The following RASGRP2 variants were observed in gnomAD, a reference collection of about 807,000 sequenced individuals.
RASGRP2 encodes the protein RAS guanyl-releasing protein 2.
RASGRP2 carries 44 observed loss-of-function variants against 71.0 expected under a neutral mutation model. The observed-to-expected ratio is 0.62, with a 90% CI of 0.49 to 0.80. The LOEUF is 0.80. Ranked by LOEUF, RASGRP2 falls within the 30% of genes least tolerant of loss-of-function variation. The pLI is 0.00. For missense variants in RASGRP2, 663 were observed against 813.4 expected, an observed-to-expected ratio of 0.82 and a Z score of 2.25; for synonymous variants, 350 against 330.7, an observed-to-expected ratio of 1.06 and a Z score of -0.63.
In RASGRP2 at chr11:64,735,894, C is replaced by T. The variant is rs955766749; in HGVS notation, c.1173+9G>A. On this transcript the variant is annotated intron_variant, in intron 10 of 16. Transcript: ENST00000394432. The surrounding 1 kb of genome is among the most constrained non-coding windows in gnomAD (Gnocchi z 4.2). ...AGGGCAGAGTGGAGAGGAGGGAGTA[C>T]CCCCTCACCGAGGACTTGGAGCGCG... The T allele has an allele frequency of 2.5e-6, 4 of 1,612,006 alleles. No individual in the cohort carries two copies. The highest frequency in any genetic ancestry group is 3.4e-6 in the Non-Finnish European group (4 of 1,178,710).
chr11:64,730,635 C>T (rs1461331299), intron 12 of RASGRP2, among the ~76,000 whole-genome samples: 1 of 152,210 alleles, frequency 6.6e-6, no homozygotes, highest in South Asian at 2.1e-4. Flanking sequence ...GCTGGAAAGA[C>T]AGCTGTAAAT....
At position 64,741,011 on chromosome 11, in the gene RASGRP2, A is replaced by G; in HGVS notation, c.308T>C (p.Leu103Pro). Reference protein sequence around the residue: ...NPELAEQIKELKALLDQEGNR... With the variant: ...NPELAEQIKEPKALLDQEGNR... ...CCCTTCTTGGTCTAGCAGAGCCTTC[A>G]GCTCCTTGATCTGCTCAGCCAACTC... The change falls in exon 5 of 17, where the codon CTG (leucine) becomes CCG (proline). Residue 103 changes from leucine (L) to proline (P), a missense_variant. Physicochemically the swap from Leu to Pro is moderately conservative, Grantham distance 98. Coordinates refer to ENST00000394432, the MANE Select transcript of RASGRP2 (RefSeq NM_001098671.2). 6.2e-7 allele frequency: 1 copy of G among 1,613,454 alleles called. No homozygotes were observed. Among genetic ancestry groups the G allele is most frequent in the Non-Finnish European group, 8.5e-7 (1 of 1,179,902 alleles).
chr11:64,741,169 G>C, intron 4 of RASGRP2, 90 bp from the exon 5 acceptor site: 1 of 1,492,952 alleles, frequency 6.7e-7, no homozygotes, highest in Non-Finnish European at 9.1e-7. Context: ...AGTCACCTAA[G>C]CAAAAAGACC....
rs2057667573 is a variant in RASGRP2, at chr11:64,728,971, C to T, written c.1663G>A (p.Val555Met). 23 of 1,611,370 alleles carry T rather than the reference C, an allele frequency of 1.4e-5. No individual in the cohort carries two copies. Among genetic ancestry groups the T allele is most frequent in the Non-Finnish European group, 1.9e-5 (23 of 1,179,672 alleles). The change falls in exon 15 of 17, where the codon GTG (valine) becomes ATG (methionine). Residue 555 changes from valine (V) to methionine (M), a missense_variant. Physicochemically the swap from Val to Met is conservative, Grantham distance 21. Coordinates refer to ENST00000394432, the MANE Select transcript of RASGRP2 (RefSeq NM_001098671.2). ...GAGGGTGCAGACCCCTCCAGGCTCA[C>T]ACTCTGGGCCCTGCGCCGACACTCA... ...SVECRRRAQS[V>M]SLEGSAPSPS...
In RASGRP2 at chr11:64,736,967, G is replaced by C. The variant is rs1157156687; in HGVS notation, c.881C>G (p.Ala294Gly). The C allele has an allele frequency of 6.2e-7, 1 of 1,613,672 alleles. No individual in the cohort carries two copies. Among genetic ancestry groups the C allele is most frequent in the Non-Finnish European group, 8.5e-7 (1 of 1,180,032 alleles). The change falls in exon 9 of 17, where the codon GCA (alanine) becomes GGA (glycine). Residue 294 changes from alanine to glycine, a missense_variant. Physicochemically the swap from Ala to Gly is moderately conservative, Grantham distance 60. Coordinates refer to ENST00000394432, the MANE Select transcript of RASGRP2 (RefSeq NM_001098671.2). Reference sequence around the variant, plus strand: ...CGGGAAGCGGAAGCCCACACAGGCTGCCAGCCGACGCCGGTAGTTGCCATA... The same window carrying C: ...CGGGAAGCGGAAGCCCACACAGGCTCCCAGCCGACGCCGGTAGTTGCCATA... Reference protein sequence around the residue: ...GNYGNYRRRLAACVGFRFPIL... With the variant: ...GNYGNYRRRLGACVGFRFPIL...
chr11:64,730,052 C>T lies in RASGRP2; in HGVS notation c.1554+1G>A. 2 of 1,551,890 alleles carry T rather than the reference C, an allele frequency of 1.3e-6. No individual in the cohort carries two copies. The highest frequency in any genetic ancestry group is 1.7e-6 in the Non-Finnish European group (2 of 1,148,394). ...CCGTGAGCCGGGAAAGGGACTCTCA[C>T]CAGGGCTTTGCAGTGGCGGCAGGCG... is the stretch of plus-strand genomic sequence containing the variant. On this transcript the variant is annotated splice_donor_variant, in intron 13 of 16. Transcript: ENST00000394432. LOFTEE classifies it high-confidence loss of function.
At chr11:64,732,792 A>T (rs531389334) in intron 12 of RASGRP2, among the ~76,000 whole-genome samples, 2 of 150,844 alleles carry the variant, frequency 1.3e-5, no homozygotes, top group African/African-American at 4.9e-5. Context: ...AAAAAAAAAA[A>T]ATACAAAATT....
At chr11:64,727,487 T>A in intron 15 of RASGRP2, 127 bp from the exon 16 acceptor site, 1 of 664,828 alleles carries the variant, frequency 1.5e-6, no homozygotes, top group Non-Finnish European at 2.6e-6. Flanking sequence ...ATCAATTCCC[T>A]GCATGACCTC....
chr11:64,738,243 T>C (rs1231090732), intron 8 of RASGRP2, among the ~76,000 whole-genome samples: 1 of 151,994 alleles, frequency 6.6e-6, no homozygotes, highest in East Asian at 1.9e-4. Flanking sequence ...AAGCCCCACA[T>C]TGTTTTGGAC....
chr11:64,737,331 A>G (rs958100573), intron 8 of RASGRP2: 1 of 445,588 alleles, frequency 2.2e-6, no homozygotes, highest in Non-Finnish European at 4.2e-6. Context: ...AGCACAGGAC[A>G]ATGACCTGGA....
intron 12 of RASGRP2, among the ~76,000 whole-genome samples, chr11:64,734,260 C>T (rs556165039): frequency 4.0e-4 from 61 of 151,460 alleles, no homozygotes; most frequent in African/African-American, 1.4e-3. Context: ...TGCAGCGAGC[C>T]GAGATTGTAC....
intron 12 of RASGRP2, among the ~76,000 whole-genome samples, chr11:64,732,792 A>G (rs531389334): frequency 2.9e-4 from 44 of 150,966 alleles, no homozygotes; most frequent in African/African-American, 1.0e-3. Context: ...AAAAAAAAAA[A>G]ATACAAAATT....
chr11:64,743,609 T>TC lies in RASGRP2; in HGVS notation c.-72+393dup, dbSNP rs1416931083. On this transcript the variant is annotated intron_variant, in intron 1 of 16. Coordinates refer to ENST00000394432, the MANE Select transcript of RASGRP2 (RefSeq NM_001098671.2). This position sits in a 1 kb window ranked among gnomAD's most constrained non-coding sequence, Gnocchi z 4.9. The stretch of plus-strand genomic sequence containing the variant: ...GGGAACTGAGCGCTCCCAGGCCACC[T>TC]CCGCAAAGGTCCCAGGGGTCCCGGC... 2.6e-6 allele frequency: 1 copy of TC among 391,714 alleles called. No homozygotes were observed. Among genetic ancestry groups the TC allele is most frequent in the Non-Finnish European group, 5.0e-6 (1 of 200,398 alleles). 24.3% of individuals were successfully genotyped at this position (391,714 alleles called of 1,614,324 possible). A position where few individuals can be genotyped will look rare whatever the true frequency, so the allele number is the denominator to read the frequency against.
At chr11:64,727,708 T>C (rs2057617596) in intron 15 of RASGRP2, among the ~76,000 whole-genome samples, 1 of 151,992 alleles carries the variant, frequency 6.6e-6, no homozygotes, top group Non-Finnish European at 1.5e-5. Flanking sequence ...GTAGAGATGA[T>C]GTTTTGCCAC....
intron 15 of RASGRP2, 73 bp from the exon 16 acceptor site, chr11:64,727,433 G>C: frequency 7.0e-7 from 1 of 1,427,238 alleles, no homozygotes; most frequent in Non-Finnish European, 9.9e-7. Context: ...CCCTCTCCAC[G>C]GGAGGCATCC....
chr11:64,730,278 T>G, intron 12 of RASGRP2, 84 bp from the exon 13 acceptor site: 1 of 1,517,888 alleles, frequency 6.6e-7, no homozygotes, highest in Non-Finnish European at 8.9e-7. Context: ...CTGTTCCCAG[T>G]GTCCTCATGG....
rs994482916 is a variant in RASGRP2 at position 64,734,265 on chromosome 11, T to C, written c.1412+847A>G. On this transcript the variant is annotated intron_variant, in intron 12 of 16. Transcript: ENST00000394432. ...AAGTGGAGGTTGCAGCGAGCCGAGA[T>C]TGTACCACTGCACTCCAGCCTGGGC... Among the ~76,000 whole-genome samples, 5 of 151,514 alleles carry C rather than the reference T, an allele frequency of 3.3e-5. No homozygotes were observed. In the South Asian group the frequency reaches 8.4e-4, roughly 25 times the overall value.
At chr11:64,740,674 CATG>C (rs2058092535) in intron 5 of RASGRP2, 1 of 651,210 alleles carries the variant, frequency 1.5e-6, no homozygotes, top group African/African-American at 1.8e-5. Flanking sequence ...AGCAGAGCAC[CATG>C]ATGAGAAAGG....
intron 9 of RASGRP2, 74 bp from the exon 10 acceptor site, chr11:64,736,054 T>C: frequency 8.4e-7 from 1 of 1,196,532 alleles, no homozygotes; most frequent in Non-Finnish European, 1.2e-6. Flanking sequence ...AAGGTCGACC[T>C]AGAGGCCACA....
Sources: gnomAD v4.1 joint callset for allele counts (sites outside exome capture counted in the v4.1 genomes callset) on GRCh38, gnomAD v4.1.1 for gene constraint, Gnocchi (gnomAD v3.1) non-coding constraint, MANE v1.5 for transcripts, NCBI Gene and HGNC (gene_info 2026-07-23, HGNC 2026-07-21) for gene names.